PLPPR2: variants seen among roughly 807,000 people sequenced by gnomAD.
PLPPR2 encodes phospholipid phosphatase-related protein type 2.
Under a neutral mutation model 40.3 loss-of-function variants are expected in PLPPR2, and 11 were observed. The observed-to-expected ratio is 0.27, with a 90% confidence interval of 0.17 to 0.45. The LOEUF (loss-of-function observed/expected upper bound fraction) is 0.45, where lower values mean the gene tolerates loss of function less well. Among genes scored for constraint, PLPPR2 ranks in the 20% least tolerant of loss-of-function variants. The probability of loss-of-function intolerance (pLI) is 1.00; values close to 1 mark genes in which losing one functional copy is unlikely to be tolerated. For missense variants in PLPPR2, 497 were observed against 640.7 expected (o/e 0.78, Z 2.42); for synonymous variants, 260 against 290.8 (o/e 0.89, Z 1.08).
intron 1 of PLPPR2, among the ~76,000 whole-genome samples, chr19:11,356,265 C>G (rs972480568): frequency 1.3e-5 from 2 of 151,834 alleles, no homozygotes; most frequent in African/African-American, 4.8e-5. Context: ...CGCTGAGTGC[C>G]TTGTAATTGG....
rs983380379 is a variant in PLPPR2, at chr19:11,365,575, C to G, written c.*885C>G. ...GGGGGGCATGGGTGGAGCAGAGGGG[C>G]TCCCTCACCCCGGGCAGGCAAAGGC... is the stretch of plus-strand genomic sequence containing the variant. On this transcript the variant is annotated 3_prime_UTR_variant, in exon 10 of 10. Transcript: ENST00000688289. 1 of 152,684 alleles carries G rather than the reference C, an allele frequency of 6.5e-6. No individual in the cohort carries two copies. The highest frequency in any genetic ancestry group is 2.4e-5 in the African/African-American group (1 of 41,452). The allele number at this position is 152,684 out of a possible 1,614,324, so 9.5% of individuals were successfully genotyped here. A position where few individuals can be genotyped will look rare whatever the true frequency, so the allele number is the denominator to read the frequency against.
In PLPPR2 at chr19:11,357,749, C is replaced by T. The variant is rs966026198; in HGVS notation, c.66+10C>T. On this transcript the variant is annotated intron_variant, in intron 3 of 9. Coordinates refer to ENST00000688289, the MANE Select transcript of PLPPR2 (RefSeq NM_001393892.1). ...CTTTGTCTTCGTGGAGGTGAGGACC[C>T]CCGTACCTCTCCCAGAGACGGCGTG... 8.8e-6 allele frequency: 14 copies of T among 1,594,402 alleles called. No individual in the cohort carries two copies. The highest frequency in any genetic ancestry group is 3.4e-5 in the South Asian group (3 of 88,140).
chr19:11,360,725 G>A (rs1741299022), intron 5 of PLPPR2, among the ~76,000 whole-genome samples: 1 of 152,122 alleles, frequency 6.6e-6, no homozygotes, highest in South Asian at 2.1e-4. Flanking sequence ...AGTGGCTGTG[G>A]GAAAGGGGGA....
Position 11,361,619 on chromosome 19 carries a change from C to A in PLPPR2, c.663+131C>A. ...TGCTGTTGGAAGCTCTCGCTCCACGCCCCGACCTGTTGGAAGCTCTCCCTC... is the reference window on the plus strand; with the variant it reads ...TGCTGTTGGAAGCTCTCGCTCCACGACCCGACCTGTTGGAAGCTCTCCCTC... On this transcript the variant is annotated intron_variant, in intron 6 of 9. Coordinates refer to ENST00000688289, the MANE Select transcript of PLPPR2 (RefSeq NM_001393892.1). This position sits in a 1 kb window ranked among gnomAD's most constrained non-coding sequence, Gnocchi z 6.3. 4 of 1,278,360 alleles carry A rather than the reference C, an allele frequency of 3.1e-6. No individual in the cohort carries two copies. Among genetic ancestry groups the A allele is most frequent in the Non-Finnish European group, 3.2e-6 (3 of 950,806 alleles). 79.2% of individuals were successfully genotyped at this position (1,278,360 alleles called of 1,614,324 possible). A position where few individuals can be genotyped will look rare whatever the true frequency, so the allele number is the denominator to read the frequency against.
Position 11,361,394 on chromosome 19 carries a change from C to A in PLPPR2, c.569C>A (p.Ala190Asp). The change falls in exon 6 of 10, where the codon GCC becomes GAC. Residue 190 changes from alanine to aspartate, a missense_variant. Transcript: ENST00000688289. The surrounding 1 kb of genome is among the most constrained non-coding windows in gnomAD (Gnocchi z 6.3). ...GPDRFVTDQG[A>D]CAGSPSLVAA... ...GACCGCTTTGTCACTGACCAGGGTGCCTGCGCTGGCAGTCCCAGCCTCGTG... is the reference window on the plus strand; with the variant it reads ...GACCGCTTTGTCACTGACCAGGGTGACTGCGCTGGCAGTCCCAGCCTCGTG... The A allele has an allele frequency of 6.2e-7, 1 of 1,610,246 alleles. No homozygotes were observed. The highest frequency in any genetic ancestry group is 8.5e-7 in the Non-Finnish European group (1 of 1,179,794).
Position 11,361,697 on chromosome 19 carries a change from A to G in PLPPR2, c.663+209A>G, listed in dbSNP as rs1275094982. The stretch of plus-strand genomic sequence containing the variant: ...AGTCAGAGGCTATCGCTGTCCATTG[A>G]CTCCGCCCCTTGCCCTCTGGCCACG... On this transcript the variant is annotated intron_variant, in intron 6 of 9. Transcript: ENST00000688289. This position sits in a 1 kb window ranked among gnomAD's most constrained non-coding sequence, Gnocchi z 6.3. Among the ~76,000 whole-genome samples the G allele has an allele frequency of 5.3e-5, 8 of 151,448 alleles. No homozygotes were observed. Among genetic ancestry groups the G allele is most frequent in the Non-Finnish European group, 1.2e-4 (8 of 67,884 alleles).
Position 11,363,890 on chromosome 19 carries a change from C to T in PLPPR2, c.963+55C>T. On this transcript the variant is annotated intron_variant, in intron 8 of 9. Transcript: ENST00000688289. The surrounding 1 kb of genome is among the most constrained non-coding windows in gnomAD (Gnocchi z 4.8). ...GGAGAGGGTGGTGGGTGGAGGGGGC[C>T]AAGGAGACAGGAAGGAAGTCAGGCA... 6.4e-7 allele frequency: 1 copy of T among 1,568,808 alleles called. No individual in the cohort carries two copies.
rs1473551262 is a variant in PLPPR2 at position 11,362,393 on chromosome 19, C to T, written c.664-120C>T. On this transcript the variant is annotated intron_variant, in intron 6 of 9. Coordinates refer to ENST00000688289, the MANE Select transcript of PLPPR2 (RefSeq NM_001393892.1). The surrounding 1 kb of genome is among the most constrained non-coding windows in gnomAD (Gnocchi z 5.3). Reference sequence around the variant, plus strand: ...GGAGCCCATGACTCCAACCCTGGAGCCCCTGGCCACTCCCTCCAGCCCCAA... The same window carrying T: ...GGAGCCCATGACTCCAACCCTGGAGTCCCTGGCCACTCCCTCCAGCCCCAA... 6.6e-6 allele frequency: 8 copies of T among 1,219,334 alleles called. No homozygotes were observed. The African/African-American group carries it at 7.4e-5, about 11-fold the overall frequency. The allele number at this position is 1,219,334 out of a possible 1,614,324, so 75.5% of individuals were successfully genotyped here. A position where few individuals can be genotyped will look rare whatever the true frequency, so the allele number is the denominator to read the frequency against.
intron 1 of PLPPR2, among the ~76,000 whole-genome samples, chr19:11,355,802 CATT>C (rs1454420157): frequency 6.6e-6 from 1 of 151,982 alleles, no homozygotes; most frequent in African/African-American, 2.4e-5. Context: ...GTGTGGTTGT[CATT>C]GTGTGTCTGT....
Position 11,364,811 on chromosome 19 carries a change from A to G in PLPPR2, c.*121A>G. ...CCCAAGCCAGCCAGACCCAGACATT[A>G]GAAGATGGCTAGAAGGACATTTAGG... On this transcript the variant is annotated 3_prime_UTR_variant, in exon 10 of 10. Transcript: ENST00000688289. The surrounding 1 kb of genome is among the most constrained non-coding windows in gnomAD (Gnocchi z 5.8). 1 of 1,125,832 alleles carries G rather than the reference A, an allele frequency of 8.9e-7. No individual in the cohort carries two copies. The highest frequency in any genetic ancestry group is 1.5e-5 in the South Asian group (1 of 67,628). 69.7% of individuals were successfully genotyped at this position (1,125,832 alleles called of 1,614,324 possible). A position where few individuals can be genotyped will look rare whatever the true frequency, so the allele number is the denominator to read the frequency against.
chr19:11,363,991 C>A lies in PLPPR2; in HGVS notation c.963+156C>A. The A allele has an allele frequency of 7.6e-7, 1 of 1,321,930 alleles. No individual in the cohort carries two copies. The highest frequency in any genetic ancestry group is 1.0e-6 in the Non-Finnish European group (1 of 970,832). The allele number at this position is 1,321,930 out of a possible 1,614,324, so 81.9% of individuals were successfully genotyped here. On this transcript the variant is annotated intron_variant, in intron 8 of 9. Transcript: ENST00000688289. This position sits in a 1 kb window ranked among gnomAD's most constrained non-coding sequence, Gnocchi z 4.8. ...GTGGACATAGGTCCTGGGCGGACAGCCCCAAAGAATGAAAGGGAGCACCCC... is the reference window on the plus strand; with the variant it reads ...GTGGACATAGGTCCTGGGCGGACAGACCCAAAGAATGAAAGGGAGCACCCC...
Position 11,362,456 on chromosome 19 carries a change from C to T in PLPPR2, c.664-57C>T, listed in dbSNP as rs749785898. The T allele has an allele frequency of 1.9e-6, 3 of 1,596,018 alleles. No homozygotes were observed. Among genetic ancestry groups the T allele is most frequent in the African/African-American group, 2.7e-5 (2 of 74,802 alleles). On this transcript the variant is annotated intron_variant, in intron 6 of 9. Coordinates refer to ENST00000688289, the MANE Select transcript of PLPPR2 (RefSeq NM_001393892.1). This position sits in a 1 kb window ranked among gnomAD's most constrained non-coding sequence, Gnocchi z 5.3. ...GCGCTCTAGCCCAGAAAGGAGCGTC[C>T]ACTTGGGTTCGGCGACTTGCCTCCG...
rs1291767990 is a variant in PLPPR2, at chr19:11,359,265, G to A, written c.67-267G>A. Among the ~76,000 whole-genome samples, 1 of 152,098 alleles carries A rather than the reference G, an allele frequency of 6.6e-6. No individual in the cohort carries two copies. The highest frequency in any genetic ancestry group is 2.4e-5 in the African/African-American group (1 of 41,414). On this transcript the variant is annotated intron_variant, in intron 3 of 9. Coordinates refer to ENST00000688289, the MANE Select transcript of PLPPR2 (RefSeq NM_001393892.1). This position sits in a 1 kb window ranked among gnomAD's most constrained non-coding sequence, Gnocchi z 5.6. ...TCTTGCCTATGCCTCCCAAAGTGCTGGAATTACAGGCACGAGCCGCTGCAC... is the reference window on the plus strand; with the variant it reads ...TCTTGCCTATGCCTCCCAAAGTGCTAGAATTACAGGCACGAGCCGCTGCAC...
chr19:11,362,072 C>A lies in PLPPR2; in HGVS notation c.664-441C>A, dbSNP rs1968062443. ...CTGGCATCCGGGTTTATGCTCCCACCCTGTCAGTGGTCCCCTAGGGGTCAG... is the reference window on the plus strand; with the variant it reads ...CTGGCATCCGGGTTTATGCTCCCACACTGTCAGTGGTCCCCTAGGGGTCAG... On this transcript the variant is annotated intron_variant, in intron 6 of 9. Transcript: ENST00000688289. This position sits in a 1 kb window ranked among gnomAD's most constrained non-coding sequence, Gnocchi z 5.3. 6.6e-6 allele frequency among the ~76,000 whole-genome samples: 1 copy of A among 152,144 alleles called. No homozygotes were observed. Among genetic ancestry groups the A allele is most frequent in the Non-Finnish European group, 1.5e-5 (1 of 68,012 alleles).
At position 11,362,187 on chromosome 19, in the gene PLPPR2, A is replaced by G. The variant is rs572641475; in HGVS notation, c.664-326A>G. Among the ~76,000 whole-genome samples, 18 of 152,152 alleles carry G rather than the reference A, an allele frequency of 1.2e-4. No individual in the cohort carries two copies. Among genetic ancestry groups the G allele is most frequent in the African/African-American group, 4.1e-4 (17 of 41,492 alleles). ...TTCTGTGGCCACGCCCTAATCCAGTAAGTGTCTGTCCCCATCTGCGACTCC... is the reference window on the plus strand; with the variant it reads ...TTCTGTGGCCACGCCCTAATCCAGTGAGTGTCTGTCCCCATCTGCGACTCC... On this transcript the variant is annotated intron_variant, in intron 6 of 9. Transcript: ENST00000688289. This position sits in a 1 kb window ranked among gnomAD's most constrained non-coding sequence, Gnocchi z 5.3.
In PLPPR2 at chr19:11,362,324, C is replaced by A. The variant is rs1376167926; in HGVS notation, c.664-189C>A. On this transcript the variant is annotated intron_variant, in intron 6 of 9. Coordinates refer to ENST00000688289, the MANE Select transcript of PLPPR2 (RefSeq NM_001393892.1). The surrounding 1 kb of genome is among the most constrained non-coding windows in gnomAD (Gnocchi z 5.3). Reference sequence around the variant, plus strand: ...CTCCAAGACCTCAATCCCTGACCCCCCCCCCTTTGCCTTTTTGGTCACGCT... The same window carrying A: ...CTCCAAGACCTCAATCCCTGACCCCACCCCCTTTGCCTTTTTGGTCACGCT... 8 of 572,576 alleles carry A rather than the reference C, an allele frequency of 1.4e-5. No individual in the cohort carries two copies. The Admixed American group carries it at 1.8e-4, about 13-fold the overall frequency. 35.5% of individuals were successfully genotyped at this position (572,576 alleles called of 1,614,324 possible).
Position 11,361,837 on chromosome 19 carries a change from C to T in PLPPR2, c.663+349C>T, listed in dbSNP as rs2144675463. Among the ~76,000 whole-genome samples the T allele has an allele frequency of 6.6e-6, 1 of 152,302 alleles. No homozygotes were observed. Among genetic ancestry groups the T allele is most frequent in the South Asian group, 2.1e-4 (1 of 4,828 alleles). On this transcript the variant is annotated intron_variant, in intron 6 of 9. Coordinates refer to ENST00000688289, the MANE Select transcript of PLPPR2 (RefSeq NM_001393892.1). The surrounding 1 kb of genome is among the most constrained non-coding windows in gnomAD (Gnocchi z 6.3). ...GCCTAGCCAGGCCCCCAGGATGCTA[C>T]AGGCGCTAGATATTAGCTGGCAGAC...
In PLPPR2 at chr19:11,359,753, G is replaced by A; in HGVS notation, c.255+33G>A. 3 of 1,577,070 alleles carry A rather than the reference G, an allele frequency of 1.9e-6. No homozygotes were observed. Among genetic ancestry groups the A allele is most frequent in the Non-Finnish European group, 2.6e-6 (3 of 1,155,598 alleles). On this transcript the variant is annotated intron_variant, in intron 4 of 9. Coordinates refer to ENST00000688289, the MANE Select transcript of PLPPR2 (RefSeq NM_001393892.1). This position sits in a 1 kb window ranked among gnomAD's most constrained non-coding sequence, Gnocchi z 5.6. Reference sequence around the variant, plus strand: ...AATGAAGACCTCCTAGGAGGCAGGTGGGCCGGTAAGGGTGGGTGAGGGGAT... The same window carrying A: ...AATGAAGACCTCCTAGGAGGCAGGTAGGCCGGTAAGGGTGGGTGAGGGGAT...
In PLPPR2 at chr19:11,363,182, G is replaced by A. The variant is rs1207313204; in HGVS notation, c.840+493G>A. On this transcript the variant is annotated intron_variant, in intron 7 of 9. Transcript: ENST00000688289. This position sits in a 1 kb window ranked among gnomAD's most constrained non-coding sequence, Gnocchi z 4.8. ...AGTAGTCCCAGCTACTTGGGAGGCT[G>A]AGGCAGAAGAATCGCTTGAACCCGG... Among the ~76,000 whole-genome samples, 2 of 151,818 alleles carry A rather than the reference G, an allele frequency of 1.3e-5. No homozygotes were observed. The highest frequency in any genetic ancestry group is 3.9e-4 in the East Asian group (2 of 5,172).
Sources: gnomAD v4.1 joint callset for allele counts (sites outside exome capture counted in the v4.1 genomes callset) on GRCh38, gnomAD v4.1.1 for gene constraint, Gnocchi (gnomAD v3.1) non-coding constraint, MANE v1.5 for transcripts, NCBI Gene and HGNC (gene_info 2026-07-23, HGNC 2026-07-21) for gene names.